The following ERC2 variants were observed in gnomAD, a reference collection of about 807,000 sequenced individuals.
The protein encoded by ERC2 is ERC protein 2.
A neutral mutation model predicts 114.8 loss-of-function variants in ERC2; 42 were observed. The observed-to-expected ratio is 0.37, with a 90% CI of 0.29 to 0.47. The LOEUF (loss-of-function observed/expected upper bound fraction) is 0.47, where lower values mean the gene tolerates loss of function less well. Ranked by LOEUF, ERC2 falls within the 20% of genes least tolerant of loss-of-function variation. The probability of loss-of-function intolerance (pLI) is 0.99; values close to 1 mark genes in which losing one functional copy is unlikely to be tolerated. For synonymous variants in ERC2, 454 were observed against 425.5 expected (o/e 1.07, Z -0.82); for missense variants, 939 against 1,150.7 (o/e 0.82, Z 2.66).
intron 14 of ERC2, among the ~76,000 whole-genome samples, chr3:55,850,845 AACACACACACACACACACACACAC>A (rs61573924): frequency 2.4e-5 from 3 of 125,956 alleles, no homozygotes; most frequent in South Asian, 3.0e-4. Flanking sequence ...CTCTTTTTCA[AACACACACACACACACACACACAC>A]ACACACACAC....
At chr3:56,321,060 A>G (rs1436212387) in intron 2 of ERC2, among the ~76,000 whole-genome samples, 1 of 152,182 alleles carries the variant, frequency 6.6e-6, no homozygotes, top group Non-Finnish European at 1.5e-5. Context: ...TCACTGGCCA[A>G]AGAAAGTCAG....
chr3:55,987,863 G>A (rs1194680545), intron 11 of ERC2, among the ~76,000 whole-genome samples: 1 of 152,136 alleles, frequency 6.6e-6, no homozygotes, highest in Non-Finnish European at 1.5e-5. Flanking sequence ...TGTCTTACGA[G>A]TGGAACCCCC....
chr3:55,982,622 T>A (rs2070246902), intron 12 of ERC2, among the ~76,000 whole-genome samples: 1 of 152,214 alleles, frequency 6.6e-6, no homozygotes, highest in Non-Finnish European at 1.5e-5. Flanking sequence ...ACCGCATTTC[T>A]TAAATGGTTT....
intron 14 of ERC2, among the ~76,000 whole-genome samples, chr3:55,801,920 G>T (rs1213717172): frequency 6.6e-6 from 1 of 152,236 alleles, no homozygotes; most frequent in Admixed American, 6.5e-5. Flanking sequence ...CAGAACTTCC[G>T]ATCCAGTGGG....
intron 2 of ERC2, among the ~76,000 whole-genome samples, chr3:56,411,051 G>GAA (rs61081379): frequency 5.4e-4 from 44 of 82,120 alleles, no homozygotes; most frequent in East Asian, 1.2e-3. Flanking sequence ...AATTATCTCA[G>GAA]AAAAAAAAAA....
chr3:56,302,529 C>T (rs531282999), intron 2 of ERC2, among the ~76,000 whole-genome samples: 34 of 152,300 alleles, frequency 2.2e-4, no homozygotes, highest in African/African-American at 5.3e-4. Flanking sequence ...TACAAGTGAA[C>T]GCTCTAGCAA....
chr3:56,369,712 C>G (rs886917800), intron 2 of ERC2, among the ~76,000 whole-genome samples: 1 of 151,100 alleles, frequency 6.6e-6, no homozygotes, highest in African/African-American at 2.4e-5. Context: ...GAGTCTCGCT[C>G]TTTTGCCAGG....
At position 55,923,764 on chromosome 3, in the gene ERC2, AG is replaced by A. The variant is rs140248602; in HGVS notation, c.2403+26660del. Among the ~76,000 whole-genome samples, 62 of 152,182 alleles carry A rather than the reference AG, an allele frequency of 4.1e-4. No individual in the cohort carries two copies. The East Asian group carries it at 0.01, about 26-fold the overall frequency. ...TAAATTTTCTACTGCTTTAGGGAGA[AG>A]CCTCTAGCTTAAGACAAATGGATCT... is the stretch of plus-strand genomic sequence containing the variant. On this transcript the variant is annotated intron_variant, in intron 13 of 17. Coordinates refer to ENST00000288221, the MANE Select transcript of ERC2 (RefSeq NM_015576.3).
intron 2 of ERC2, among the ~76,000 whole-genome samples, chr3:56,348,960 GAAA>G (rs2058442624): frequency 1.0e-5 from 1 of 97,462 alleles, no homozygotes; most frequent in African/African-American, 4.3e-5. Context: ...AGGAAGGAAA[GAAA>G]GAAAGAAGGA....
At chr3:56,252,330 G>C (rs1372663809) in intron 3 of ERC2, among the ~76,000 whole-genome samples, 1 of 152,184 alleles carries the variant, frequency 6.6e-6, no homozygotes, top group East Asian at 1.9e-4. Context: ...AATTAAGAGT[G>C]TGTGAGAGTT....
At chr3:55,610,079 A>C (rs981344834) in intron 17 of ERC2, among the ~76,000 whole-genome samples, 1 of 151,776 alleles carries the variant, frequency 6.6e-6, no homozygotes, top group Admixed American at 6.6e-5. Context: ...AAAAAAAAAA[A>C]AAAAACAAGA....
chr3:55,549,977 G>A (rs1371683318), intron 17 of ERC2, among the ~76,000 whole-genome samples: 1 of 146,200 alleles, frequency 6.8e-6, no homozygotes, highest in Non-Finnish European at 1.5e-5. Flanking sequence ...AGAGAGAGAG[G>A]GGAAATACTA....
intron 17 of ERC2, among the ~76,000 whole-genome samples, chr3:55,663,671 C>T (rs1251854103): frequency 6.6e-6 from 1 of 152,192 alleles, no homozygotes; most frequent in African/African-American, 2.4e-5. Context: ...ATGCCTTCTT[C>T]AAGGCCCTCA....
chr3:55,554,976 C>T (rs72870434), intron 17 of ERC2, among the ~76,000 whole-genome samples: 2,210 of 152,298 alleles, frequency 0.015, 47 homozygotes, highest in African/African-American at 0.047. Flanking sequence ...GCCCAGAGCC[C>T]TGGCTCTCAG....
intron 4 of ERC2, among the ~76,000 whole-genome samples, chr3:56,157,074 T>A (rs762935304): frequency 2.6e-4 from 39 of 152,158 alleles, no homozygotes; most frequent in Non-Finnish European, 4.6e-4. Flanking sequence ...TCAGAAGACT[T>A]ACAGATGGTA....
intron 2 of ERC2, among the ~76,000 whole-genome samples, chr3:56,304,670 C>G (rs1381211841): frequency 6.6e-6 from 1 of 152,050 alleles, no homozygotes; most frequent in Non-Finnish European, 1.5e-5. Context: ...ACATCATGCC[C>G]AAGATGTGTT....
intron 17 of ERC2, among the ~76,000 whole-genome samples, chr3:55,608,791 C>T (rs1243500736): frequency 1.3e-5 from 2 of 152,164 alleles, no homozygotes; most frequent in Admixed American, 1.3e-4. Context: ...ATACGGCAAG[C>T]CAATTACCTC....
intron 3 of ERC2, among the ~76,000 whole-genome samples, chr3:56,258,642 A>G (rs2052693175): frequency 1.3e-5 from 2 of 152,250 alleles, no homozygotes; most frequent in African/African-American, 4.8e-5. Context: ...CAACACAGCG[A>G]GACTCCGTCT....
chr3:56,030,245 G>A lies in ERC2; in HGVS notation c.1642-11214C>T, dbSNP rs529616674. On this transcript the variant is annotated intron_variant, in intron 7 of 17. Coordinates refer to ENST00000288221, the MANE Select transcript of ERC2 (RefSeq NM_015576.3). The stretch of plus-strand genomic sequence containing the variant: ...AATGCAGGATATAGTTTATCTTGGT[G>A]AATATTATATATGTACTTGCAAATA... Among the ~76,000 whole-genome samples the A allele has an allele frequency of 9.2e-5, 14 of 152,286 alleles. No homozygotes were observed. In the South Asian group the frequency reaches 2.9e-3, roughly 32 times the overall value.
Sources: gnomAD v4.1 joint callset for allele counts (sites outside exome capture counted in the v4.1 genomes callset) on GRCh38, gnomAD v4.1.1 for gene constraint, MANE v1.5 for transcripts, NCBI Gene and HGNC (gene_info 2026-07-23, HGNC 2026-07-21) for gene names.